Variants in GRIP1 observed in about 807,000 individuals in gnomAD.
GRIP1 encodes the protein glutamate receptor interacting protein 1.
A neutral mutation model predicts 129.9 loss-of-function variants in GRIP1; 45 were observed. The observed-to-expected ratio is 0.35, with a 90% CI of 0.27 to 0.44. The LOEUF (loss-of-function observed/expected upper bound fraction) is 0.44, where lower values mean the gene tolerates loss of function less well. Among genes scored for constraint, GRIP1 ranks in the 20% least tolerant of loss-of-function variants. The pLI is 1.00. For missense variants in GRIP1, 1,196 were observed against 1,396.8 expected (o/e 0.86, Z 2.29); for synonymous variants, 530 against 520.8 (o/e 1.02, Z -0.24).
At chr12:66,388,616 G>A (rs1033312878) in intron 19 of GRIP1, among the ~76,000 whole-genome samples, 3 of 152,222 alleles carry the variant, frequency 2.0e-5, no homozygotes, top group Non-Finnish European at 2.9e-5. Context: ...GGCATCTAAT[G>A]GGCAAGACAA....
At chr12:66,374,782 G>A (rs2055705633) in intron 22 of GRIP1, among the ~76,000 whole-genome samples, 1 of 152,034 alleles carries the variant, frequency 6.6e-6, no homozygotes, top group Non-Finnish European at 1.5e-5. Context: ...TAATTCTTTG[G>A]TTCGCATTTT....
intron 7 of GRIP1, among the ~76,000 whole-genome samples, chr12:66,496,623 T>C (rs752779625): frequency 1.3e-5 from 2 of 152,192 alleles, no homozygotes; most frequent in Non-Finnish European, 2.9e-5. Flanking sequence ...TCCAGACTAA[T>C]ATTTACTGTT....
chr12:66,511,890 CA>C (rs762219662), intron 7 of GRIP1, among the ~76,000 whole-genome samples: 37 of 152,182 alleles, frequency 2.4e-4, no homozygotes, highest in Non-Finnish European at 4.9e-4. Flanking sequence ...TGTTCCTACC[CA>C]AATCTCCTCT....
At chr12:67,006,700 CAGG>C (rs2042632395) in intron 1 of GRIP1, among the ~76,000 whole-genome samples, 1 of 152,200 alleles carries the variant, frequency 6.6e-6, no homozygotes, top group Non-Finnish European at 1.5e-5. Context: ...CAGAAGGGAG[CAGG>C]CTCCAAAGGG....
chr12:66,515,514 G>C lies in GRIP1; in HGVS notation c.724+105C>G, dbSNP rs995266706. On this transcript the variant is annotated intron_variant, in intron 7 of 24. Coordinates refer to ENST00000359742, the MANE Select transcript of GRIP1 (RefSeq NM_001366722.1). ...GATATAGTATTTATGAATTCTGTCT[G>C]CTCCAGGAGGGCATGACAATACATA... 26 of 1,006,998 alleles carry C rather than the reference G, an allele frequency of 2.6e-5. No individual in the cohort carries two copies. The Admixed American group carries it at 4.4e-4, about 17-fold the overall frequency. 62.4% of individuals were successfully genotyped at this position (1,006,998 alleles called of 1,614,324 possible).
At chr12:66,581,524 A>G (rs1402137881) in intron 2 of GRIP1, among the ~76,000 whole-genome samples, 2 of 141,588 alleles carry the variant, frequency 1.4e-5, no homozygotes, top group African/African-American at 2.6e-5. Flanking sequence ...TAATAAAGAA[A>G]AAAAGAGAGA....
At chr12:66,890,225 G>C (rs749194946) in intron 1 of GRIP1, among the ~76,000 whole-genome samples, 2 of 152,056 alleles carry the variant, frequency 1.3e-5, no homozygotes, top group African/African-American at 4.8e-5. Flanking sequence ...CACCACACCC[G>C]GCCAGCTCAG....
chr12:66,863,845 T>G (rs960007740), intron 1 of GRIP1, among the ~76,000 whole-genome samples: 4 of 152,138 alleles, frequency 2.6e-5, no homozygotes, highest in African/African-American at 9.7e-5. Context: ...CTTCTGAACC[T>G]GTCTCCTCAC....
At chr12:66,646,763 T>C (rs6581709) in intron 1 of GRIP1, among the ~76,000 whole-genome samples, 1 of 152,052 alleles carries the variant, frequency 6.6e-6, no homozygotes, top group East Asian at 1.9e-4. Flanking sequence ...AAATTCAAGA[T>C]GAAAGCAACA....
intron 1 of GRIP1, among the ~76,000 whole-genome samples, chr12:66,958,974 G>A (rs568839065): frequency 6.6e-6 from 1 of 152,230 alleles, no homozygotes; most frequent in East Asian, 1.9e-4. Context: ...AATTTCCTAC[G>A]TAATAGATAA....
chr12:66,457,390 C>G (rs1335725303), intron 9 of GRIP1, among the ~76,000 whole-genome samples: 1 of 152,160 alleles, frequency 6.6e-6, no homozygotes, highest in Non-Finnish European at 1.5e-5. Context: ...GCCTCAGCCT[C>G]CTGAGTAGCT....
chr12:66,353,378 A>C lies in GRIP1; in HGVS notation c.3159+39T>G, dbSNP rs754744004. Reference sequence around the variant, plus strand: ...ATGTGGAGGAAGCTCCCAGTGAGAAATTACTTGCAAGGAATTAAAATTCCA... The same window carrying C: ...ATGTGGAGGAAGCTCCCAGTGAGAACTTACTTGCAAGGAATTAAAATTCCA... On this transcript the variant is annotated intron_variant, in intron 24 of 24. Coordinates refer to ENST00000359742, the MANE Select transcript of GRIP1 (RefSeq NM_001366722.1). 9.4e-6 allele frequency: 14 copies of C among 1,486,852 alleles called. No homozygotes were observed. The East Asian group carries it at 3.2e-4, about 34-fold the overall frequency. The allele number at this position is 1,486,852 out of a possible 1,614,324, so 92.1% of individuals were successfully genotyped here. A position where few individuals can be genotyped will look rare whatever the true frequency, so the allele number is the denominator to read the frequency against.
At chr12:66,470,984 G>A (rs2059424047) in intron 7 of GRIP1, among the ~76,000 whole-genome samples, 2 of 152,272 alleles carry the variant, frequency 1.3e-5, no homozygotes, top group Admixed American at 6.5e-5. Context: ...GGACGAAGTC[G>A]GGAGAGTAAT....
rs115313316 is a variant in GRIP1 at position 66,709,225 on chromosome 12, T to C, written c.-419-78889A>G. Reference sequence around the variant, plus strand: ...AAAAACAACATCTTAGGATGTGGTCTGAGATCTGTGAGAAGAAAAATGTTT... The same window carrying C: ...AAAAACAACATCTTAGGATGTGGTCCGAGATCTGTGAGAAGAAAAATGTTT... On this transcript the variant is annotated intron_variant, in intron 1 of 4. Transcript: ENST00000538373. Among the ~76,000 whole-genome samples, 441 of 152,142 alleles carry C rather than the reference T, an allele frequency of 2.9e-3. 1 individual carries two copies. The highest frequency in any genetic ancestry group is 0.01 in the African/African-American group (423 of 41,550).
chr12:67,014,700 G>T (rs376259258), intron 1 of GRIP1, among the ~76,000 whole-genome samples: 6 of 151,994 alleles, frequency 3.9e-5, no homozygotes, highest in African/African-American at 1.2e-4. Flanking sequence ...CATGGTAAAG[G>T]CTCAGAATAA....
At chr12:66,742,196 G>A (rs762415992) in intron 1 of GRIP1, among the ~76,000 whole-genome samples, 10 of 152,126 alleles carry the variant, frequency 6.6e-5, no homozygotes, top group Non-Finnish European at 1.3e-4. Context: ...GAGGTCTGGT[G>A]TTTCTTTCTG....
intron 1 of GRIP1, among the ~76,000 whole-genome samples, chr12:67,021,415 T>C (rs2042865040): frequency 6.6e-6 from 1 of 152,212 alleles, no homozygotes; most frequent in Middle Eastern, 3.2e-3. Context: ...TCAGCATAAT[T>C]ATTTTCAGAT....
Position 66,523,517 on chromosome 12 carries a change from C to T in GRIP1, c.503-5541G>A, listed in dbSNP as rs1389384671. Among the ~76,000 whole-genome samples, 7 of 151,914 alleles carry T rather than the reference C, an allele frequency of 4.6e-5. No individual in the cohort carries two copies. In the South Asian group the frequency reaches 1.5e-3, roughly 32 times the overall value. On this transcript the variant is annotated intron_variant, in intron 5 of 24. Transcript: ENST00000359742. ...CACCACCAGGCCTGCCCTAAAAGAA[C>T]TCCTGAAGGAAGCACTAAACATGGA...
intron 2 of GRIP1, among the ~76,000 whole-genome samples, chr12:66,579,804 G>A (rs1824212273): frequency 6.6e-6 from 1 of 151,418 alleles, no homozygotes; most frequent in Non-Finnish European, 1.5e-5. Flanking sequence ...AAGTGACGGG[G>A]AGAATGGAAC....
Sources: gnomAD v4.1 joint callset for allele counts (sites outside exome capture counted in the v4.1 genomes callset) on GRCh38, gnomAD v4.1.1 for gene constraint, MANE v1.5 for transcripts, NCBI Gene and HGNC (gene_info 2026-07-23, HGNC 2026-07-21) for gene names.